Variants in LIMD1 observed in about 807,000 individuals in gnomAD.
The protein encoded by LIMD1 is LIM domain-containing protein 1.
A neutral mutation model predicts 58.4 loss-of-function variants in LIMD1; 23 were observed. That is an observed-to-expected ratio of 0.39 (90% CI 0.28 to 0.56). The LOEUF is 0.56. LIMD1 is among the 20% of genes least tolerant of loss of function. The probability of loss-of-function intolerance (pLI) is 0.57; values close to 1 mark genes in which losing one functional copy is unlikely to be tolerated. For missense variants in LIMD1, 838 were observed against 855.5 expected (o/e 0.98, Z 0.25); for synonymous variants, 334 against 345.5 (o/e 0.97, Z 0.37).
Position 45,626,428 on chromosome 3 carries a change from G to GA in LIMD1, c.1409-9718dup, listed in dbSNP as rs751165976. ...AAGAAAAAATGAGCTATTGAGCCATGAAAAGACATGGAGAAACCATAAATG... is the reference window on the plus strand; with the variant it reads ...AAGAAAAAATGAGCTATTGAGCCATGAAAAAGACATGGAGAAACCATAAATG... On this transcript the variant is annotated intron_variant, in intron 1 of 7. Coordinates refer to ENST00000273317, the MANE Select transcript of LIMD1 (RefSeq NM_014240.3). 8.3e-4 allele frequency among the ~76,000 whole-genome samples: 127 copies of GA among 152,334 alleles called. No homozygotes were observed. The Middle Eastern group carries it at 0.01, about 12-fold the overall frequency.
Position 45,672,799 on chromosome 3 carries a change from A to G in LIMD1, c.1751A>G (p.Tyr584Cys), listed in dbSNP as rs148304013. 5 of 1,613,912 alleles carry G rather than the reference A, an allele frequency of 3.1e-6. No individual in the cohort carries two copies. The highest frequency in any genetic ancestry group is 4.2e-6 in the Non-Finnish European group (5 of 1,179,888). The change falls in exon 5 of 8, where the codon TAC becomes TGC. Residue 584 changes from tyrosine to cysteine, a missense_variant. Physicochemically the swap from Tyr to Cys is radical, Grantham distance 194. Around this residue, in one of 3 missense-constraint regions of LIMD1, gnomAD observed 174 missense variants for 197.4 expected, o/e 0.88. Transcript: ENST00000273317. Reference sequence around the variant, plus strand: ...ACCGTGGACTCAGAGAACAAGATCTACTGTGTCCGAGATTACCACAAGTAA... The same window carrying G: ...ACCGTGGACTCAGAGAACAAGATCTGCTGTGTCCGAGATTACCACAAGTAA... ...PFTVDSENKI[Y>C]CVRDYHKVLA...
At chr3:45,667,158 G>T (rs1322542269) in intron 3 of LIMD1, among the ~76,000 whole-genome samples, 1 of 152,226 alleles carries the variant, frequency 6.6e-6, no homozygotes, top group African/African-American at 2.4e-5. Flanking sequence ...GGGCAAGAGT[G>T]CCAGTCCCTC....
At chr3:45,609,989 C>T (rs770902401) in intron 1 of LIMD1, among the ~76,000 whole-genome samples, 2 of 152,116 alleles carry the variant, frequency 1.3e-5, no homozygotes, top group African/African-American at 2.4e-5. Context: ...GTCAGGAGAT[C>T]GAGACCAGCC....
intron 1 of LIMD1, among the ~76,000 whole-genome samples, chr3:45,635,694 TCAA>T (rs2125658293): frequency 8.5e-6 from 1 of 117,646 alleles, no homozygotes; most frequent in East Asian, 2.7e-4. Flanking sequence ...GCCTAGGAGT[TCAA>T]GACCAGTCTG....
At position 45,603,038 on chromosome 3, in the gene LIMD1, G is replaced by A. The variant is rs144540617; in HGVS notation, c.1408+6751G>A. 4.2e-3 allele frequency among the ~76,000 whole-genome samples: 640 copies of A among 152,106 alleles called. 4 individuals carry two copies. The highest frequency in any genetic ancestry group is 6.8e-3 in the Middle Eastern group (2 of 294). On this transcript the variant is annotated intron_variant, in intron 1 of 7. Transcript: ENST00000273317. ...GTATTTTCAGTAGAGACAGGGTTTCGCCATGTTGGCCAGGCTGGTCTTGAG... is the reference window on the plus strand; with the variant it reads ...GTATTTTCAGTAGAGACAGGGTTTCACCATGTTGGCCAGGCTGGTCTTGAG...
chr3:45,632,893 A>G (rs1177817139), intron 1 of LIMD1, among the ~76,000 whole-genome samples: 3 of 152,308 alleles, frequency 2.0e-5, no homozygotes, highest in Admixed American at 6.5e-5. Context: ...GGGTGACGAG[A>G]CCGCTTAAAG....
chr3:45,676,196 C>T (rs1021049235), intron 7 of LIMD1, among the ~76,000 whole-genome samples: 2 of 151,770 alleles, frequency 1.3e-5, no homozygotes, highest in African/African-American at 2.4e-5. Context: ...GAGCTGAGAT[C>T]GCACCACTGC....
At chr3:45,646,617 A>G (rs1330753827) in intron 2 of LIMD1, among the ~76,000 whole-genome samples, 1 of 151,964 alleles carries the variant, frequency 6.6e-6, no homozygotes, top group Non-Finnish European at 1.5e-5. Context: ...ATTAAAGTTT[A>G]AATTTATTTT....
chr3:45,680,198 A>G lies in LIMD1; in HGVS notation c.*3139A>G, dbSNP rs1045210181. ...CCATGCATGTGAAAGTAGAGCTGTGATGGCTGCTGGGACGCTTGCAAAGAT... is the reference window on the plus strand; with the variant it reads ...CCATGCATGTGAAAGTAGAGCTGTGGTGGCTGCTGGGACGCTTGCAAAGAT... On this transcript the variant is annotated 3_prime_UTR_variant, in exon 8 of 8. Transcript: ENST00000273317. 1.3e-5 allele frequency: 2 copies of G among 152,230 alleles called. No individual in the cohort carries two copies. The highest frequency in any genetic ancestry group is 2.4e-5 in the African/African-American group (1 of 41,444). The allele number at this position is 152,230 out of a possible 1,614,324, so 9.4% of individuals were successfully genotyped here.
intron 7 of LIMD1, among the ~76,000 whole-genome samples, chr3:45,676,263 G>A (rs866150428): frequency 3.6e-4 from 54 of 150,502 alleles, no homozygotes; most frequent in African/African-American, 1.3e-3. Context: ...AAATCCAAAT[G>A]TTATCTTTTG....
chr3:45,607,369 A>G (rs1701478137), intron 1 of LIMD1, among the ~76,000 whole-genome samples: 1 of 151,970 alleles, frequency 6.6e-6, no homozygotes, highest in African/African-American at 2.4e-5. Flanking sequence ...CAGCCAGGTT[A>G]TTTTTAAGTT....
rs1193728835 is a variant in LIMD1 at position 45,594,800 on chromosome 3, C to G, written c.-80C>G. The stretch of plus-strand genomic sequence containing the variant: ...CTCAACACACACACACACACACACA[C>G]ACACACACACACACACACACACACA... On this transcript the variant is annotated 5_prime_UTR_variant, in exon 1 of 8. Coordinates refer to ENST00000273317, the MANE Select transcript of LIMD1 (RefSeq NM_014240.3). 6.5e-6 allele frequency: 1 copy of G among 154,222 alleles called. No homozygotes were observed. The highest frequency in any genetic ancestry group is 4.0e-4 in the East Asian group (1 of 2,496). The allele number at this position is 154,222 out of a possible 1,614,324, so 9.6% of individuals were successfully genotyped here.
Position 45,668,018 on chromosome 3 carries a change from A to G in LIMD1, c.1579-276A>G, listed in dbSNP as rs140114678. Among the ~76,000 whole-genome samples, 24 of 152,326 alleles carry G rather than the reference A, an allele frequency of 1.6e-4. No homozygotes were observed. In the East Asian group the frequency reaches 4.2e-3, roughly 27 times the overall value. On this transcript the variant is annotated intron_variant, in intron 3 of 7. Transcript: ENST00000273317. ...AGAACCACTGAGATGGGATTAAAGCATCTCTATATACAGTCCCTTACATAG... is the reference window on the plus strand; with the variant it reads ...AGAACCACTGAGATGGGATTAAAGCGTCTCTATATACAGTCCCTTACATAG...
intron 2 of LIMD1, among the ~76,000 whole-genome samples, chr3:45,640,816 G>A (rs959910726): frequency 6.6e-6 from 1 of 152,234 alleles, no homozygotes; most frequent in African/African-American, 2.4e-5. Context: ...AGTTGCTGAA[G>A]GAATGAGGAT....
In LIMD1 at chr3:45,648,077, A is replaced by G. The variant is rs188574747; in HGVS notation, c.1510+11826A>G. ...ATTGAAACTGTTTGCAGGAATCTCT[A>G]TCTCCCCCTAGGTGATCAGTTTTGG... On this transcript the variant is annotated intron_variant, in intron 2 of 7. Coordinates refer to ENST00000273317, the MANE Select transcript of LIMD1 (RefSeq NM_014240.3). Among the ~76,000 whole-genome samples the G allele has an allele frequency of 3.2e-3, 381 of 120,890 alleles. 2 individuals are homozygous for G. The highest frequency in any genetic ancestry group is 4.5e-3 in the Non-Finnish European group (261 of 58,576). The allele number at this position is 120,890 out of a possible 152,430, so 79.3% of individuals were successfully genotyped here. A position where few individuals can be genotyped will look rare whatever the true frequency, so the allele number is the denominator to read the frequency against.
chr3:45,674,182 G>T (rs1697634666), intron 6 of LIMD1, among the ~76,000 whole-genome samples, 161 bp from the exon 7 acceptor site: 1 of 152,120 alleles, frequency 6.6e-6, no homozygotes, highest in African/African-American at 2.4e-5. Flanking sequence ...CAGCTTAAAT[G>T]TATTCTTCTT....
intron 1 of LIMD1, among the ~76,000 whole-genome samples, chr3:45,596,770 G>A (rs541888140): frequency 3.3e-5 from 5 of 151,912 alleles, no homozygotes; most frequent in Admixed American, 2.6e-4. Context: ...TGCCGTGTGT[G>A]TGTGTCTGTG....
At chr3:45,642,232 A>T (rs1575356245) in intron 2 of LIMD1, among the ~76,000 whole-genome samples, 1 of 151,734 alleles carries the variant, frequency 6.6e-6, no homozygotes, top group East Asian at 1.9e-4. Flanking sequence ...CTGGAGTGCA[A>T]TGGTGGGATC....
At chr3:45,600,232 C>T (rs1701397999) in intron 1 of LIMD1, among the ~76,000 whole-genome samples, 1 of 152,200 alleles carries the variant, frequency 6.6e-6, no homozygotes, top group African/African-American at 2.4e-5. Context: ...TGATGTCACT[C>T]AGGCCAAAAG....
Sources: gnomAD v4.1 joint callset for allele counts (sites outside exome capture counted in the v4.1 genomes callset) on GRCh38, gnomAD v4.1.1 for gene constraint, gnomAD v4.1.1 regional missense constraint, MANE v1.5 for transcripts, NCBI Gene and HGNC (gene_info 2026-07-23, HGNC 2026-07-21) for gene names.